The following SESN1 variants were observed in gnomAD, a reference collection of about 807,000 sequenced individuals.
The protein encoded by SESN1 is sestrin-1.
A neutral mutation model predicts 59.3 loss-of-function variants in SESN1; 30 were observed. That is an observed-to-expected ratio of 0.51 (90% confidence interval 0.38 to 0.69). The LOEUF is 0.69. Ranked by LOEUF, SESN1 falls within the 30% of genes least tolerant of loss-of-function variation. SESN1 has a pLI of 0.00. For synonymous variants in SESN1, 197 were observed against 219.9 expected (o/e 0.90, Z 0.92); for missense variants, 566 against 673.0 (o/e 0.84, Z 1.76).
At chr6:109,071,202 T>C (rs955207666) in intron 1 of SESN1, among the ~76,000 whole-genome samples, 2 of 152,174 alleles carry the variant, frequency 1.3e-5, no homozygotes, top group South Asian at 4.1e-4. Context: ...GCTTATAACC[T>C]ACTAGGGCAG....
chr6:109,021,989 G>A (rs1780018634), intron 1 of SESN1, among the ~76,000 whole-genome samples: 1 of 151,738 alleles, frequency 6.6e-6, no homozygotes, highest in African/African-American at 2.4e-5. Flanking sequence ...GGATATACTA[G>A]TCTTATTTAT....
chr6:109,015,068 A>G (rs964857223), intron 1 of SESN1, among the ~76,000 whole-genome samples: 2 of 152,176 alleles, frequency 1.3e-5, no homozygotes, highest in African/African-American at 2.4e-5. Flanking sequence ...AGATGTTTCC[A>G]TTAAAAAATT....
intron 1 of SESN1, among the ~76,000 whole-genome samples, chr6:109,063,508 C>G (rs1186744884): frequency 2.6e-5 from 4 of 152,176 alleles, no homozygotes; most frequent in Admixed American, 6.5e-5. Flanking sequence ...TAGGGAACCA[C>G]AGTTGGGGAA....
intron 1 of SESN1, among the ~76,000 whole-genome samples, chr6:109,057,850 A>G (rs533235487): frequency 6.6e-6 from 1 of 152,338 alleles, no homozygotes; most frequent in South Asian, 2.1e-4. Flanking sequence ...GCTGGATCAT[A>G]TAATCCATAG....
rs1779372183 is a variant in SESN1 at position 108,991,087 on chromosome 6, A to G, written c.1234-252T>C. On this transcript the variant is annotated intron_variant, in intron 7 of 9. Coordinates refer to ENST00000436639, the MANE Select transcript of SESN1 (RefSeq NM_014454.3). Reference sequence around the variant, plus strand: ...ATCTCAAAAAAAAACAACAACAAAAAAAAACTAATAGTCTCTTCCCCTTAC... The same window carrying G: ...ATCTCAAAAAAAAACAACAACAAAAGAAAACTAATAGTCTCTTCCCCTTAC... Among the ~76,000 whole-genome samples the G allele has an allele frequency of 2.0e-5, 3 of 152,252 alleles. No homozygotes were observed. In the South Asian group the frequency reaches 6.2e-4, roughly 32 times the overall value.
chr6:108,993,612 A>G (rs1779438792), intron 6 of SESN1, among the ~76,000 whole-genome samples: 2 of 152,312 alleles, frequency 1.3e-5, no homozygotes, highest in Middle Eastern at 3.4e-3. Flanking sequence ...GACACTTTAT[A>G]AACTTTTTCT....
chr6:108,990,447 CCTG>C (rs1779348598), intron 8 of SESN1, among the ~76,000 whole-genome samples, 195 bp downstream of exon 8: 1 of 152,332 alleles, frequency 6.6e-6, no homozygotes, highest in Admixed American at 6.5e-5. Flanking sequence ...AACTCTCCCT[CCTG>C]CCTAGCTAGG....
intron 1 of SESN1, among the ~76,000 whole-genome samples, chr6:109,072,434 C>T (rs1369109642): frequency 2.0e-5 from 3 of 152,136 alleles, no homozygotes; most frequent in Non-Finnish European, 4.4e-5. Flanking sequence ...CCCTAAGTCA[C>T]ATATAATTTC....
intron 1 of SESN1, among the ~76,000 whole-genome samples, chr6:109,002,995 A>G (rs750110237): frequency 1.1e-4 from 16 of 152,126 alleles, no homozygotes; most frequent in Non-Finnish European, 2.2e-4. Flanking sequence ...AGAAGCTCAA[A>G]TAATTGAGAA....
At chr6:109,051,142 C>G (rs910986592) in intron 1 of SESN1, among the ~76,000 whole-genome samples, 1 of 150,186 alleles carries the variant, frequency 6.7e-6, no homozygotes, top group African/African-American at 2.5e-5. Context: ...CAGGAAATCT[C>G]TTAAAAACAA....
At chr6:109,022,362 A>G (rs1006338170) in intron 1 of SESN1, among the ~76,000 whole-genome samples, 4 of 146,072 alleles carry the variant, frequency 2.7e-5, no homozygotes, top group Non-Finnish European at 6.0e-5. Flanking sequence ...TCGATTTGAT[A>G]TTAATAGAAT....
intron 9 of SESN1, 94 bp from the exon 10 acceptor site, chr6:108,987,724 T>C: frequency 1.5e-6 from 1 of 664,230 alleles, no homozygotes. Flanking sequence ...ATAAGTACAC[T>C]TCCTACACTT....
intron 1 of SESN1, among the ~76,000 whole-genome samples, chr6:109,054,165 C>T (rs974444766): frequency 2.0e-5 from 3 of 151,664 alleles, no homozygotes; most frequent in African/African-American, 7.3e-5. Context: ...ATTATTCATA[C>T]CAATGATGAA....
At chr6:109,030,229 C>G (rs1463881625) in intron 1 of SESN1, among the ~76,000 whole-genome samples, 5 of 152,110 alleles carry the variant, frequency 3.3e-5, no homozygotes, top group Non-Finnish European at 2.9e-5. Context: ...CTAGGACCCC[C>G]CGATCTAAGA....
intron 1 of SESN1, among the ~76,000 whole-genome samples, chr6:109,093,070 TAA>T (rs1003530737): frequency 1.2e-4 from 18 of 152,150 alleles, no homozygotes; most frequent in African/African-American, 4.1e-4. Context: ...AAAAGTATTC[TAA>T]GACACCTTGT....
At chr6:108,988,330 G>A (rs978828413) in intron 9 of SESN1, 8 of 403,772 alleles carry the variant, frequency 2.0e-5, no homozygotes, top group South Asian at 1.2e-4. Context: ...TTCTGAAGAC[G>A]GGCCAGCCCA....
chr6:109,009,136 T>C (rs942478895), intron 1 of SESN1: 1 of 686,116 alleles, frequency 1.5e-6, no homozygotes, highest in African/African-American at 1.9e-5. Flanking sequence ...CGACTCACGG[T>C]GCGCAGGTCT....
At chr6:109,087,610 G>A (rs1262203969) in intron 1 of SESN1, among the ~76,000 whole-genome samples, 1 of 151,950 alleles carries the variant, frequency 6.6e-6, no homozygotes, top group African/African-American at 2.4e-5. Flanking sequence ...ATTGAAAGAG[G>A]ACTCTCATAT....
intron 1 of SESN1, among the ~76,000 whole-genome samples, chr6:109,021,670 G>A (rs748896931): frequency 1.2e-4 from 18 of 151,934 alleles, no homozygotes; most frequent in Non-Finnish European, 2.5e-4. Context: ...TCGAACTCCT[G>A]ACCTCAAGTG....
Sources: gnomAD v4.1 joint callset for allele counts (sites outside exome capture counted in the v4.1 genomes callset) on GRCh38, gnomAD v4.1.1 for gene constraint, MANE v1.5 for transcripts, NCBI Gene and HGNC (gene_info 2026-07-23, HGNC 2026-07-21) for gene names.